Variants in CTNNA2 observed in about 807,000 individuals in gnomAD.
CTNNA2 encodes catenin alpha-2.
In CTNNA2, 42 loss-of-function variants were observed where a neutral mutation model predicts 101.0. That is an observed-to-expected ratio of 0.42 (90% CI 0.32 to 0.54). The LOEUF is 0.54. Among genes scored for constraint, CTNNA2 ranks in the 20% least tolerant of loss-of-function variants. The pLI is 0.14. For missense variants in CTNNA2, 871 were observed against 1,223.1 expected (o/e 0.71, Z 4.29); for synonymous variants, 450 against 456.4 (o/e 0.99, Z 0.18).
At chr2:79,409,125 T>C (rs1199246910) in intron 4 of CTNNA2, among the ~76,000 whole-genome samples, 3 of 152,150 alleles carry the variant, frequency 2.0e-5, no homozygotes, top group South Asian at 4.1e-4. Context: ...TCATGTCCTT[T>C]GCCCACTTTT....
At chr2:80,645,539 T>A (rs1469848868) in intron 18 of CTNNA2, among the ~76,000 whole-genome samples, 1 of 151,190 alleles carries the variant, frequency 6.6e-6, no homozygotes, top group East Asian at 2.0e-4. Flanking sequence ...ACCTCCTGGA[T>A]GGCTAGCTAG....
intron 7 of CTNNA2, among the ~76,000 whole-genome samples, chr2:80,047,888 A>C (rs1242264378): frequency 6.6e-6 from 1 of 152,220 alleles, no homozygotes; most frequent in Admixed American, 6.5e-5. Context: ...GAGCGTGAGC[A>C]ATCATGTAGT....
At chr2:79,936,650 T>C (rs562695552) in intron 7 of CTNNA2, among the ~76,000 whole-genome samples, 2 of 152,306 alleles carry the variant, frequency 1.3e-5, no homozygotes, top group East Asian at 3.9e-4. Flanking sequence ...ATAACCATTT[T>C]CCTTACCTTA....
rs538334110 is a variant in CTNNA2, at chr2:79,689,924, A to G, written c.102+38266A>G. ...AACATTAATTTGTAGAATAAAACAG[A>G]CAAAATGATGAAAATCCAGAAAAAA... On this transcript the variant is annotated intron_variant, in intron 2 of 18. Transcript: ENST00000402739. 2.2e-4 allele frequency among the ~76,000 whole-genome samples: 34 copies of G among 152,148 alleles called. No individual in the cohort carries two copies. The South Asian group carries it at 6.8e-3, about 31-fold the overall frequency.
At chr2:80,201,367 C>CTTTTTTTTTTTTTT (rs60448795) in intron 7 of CTNNA2, among the ~76,000 whole-genome samples, 4 of 80,732 alleles carry the variant, frequency 5.0e-5, no homozygotes, top group Non-Finnish European at 6.8e-5. Flanking sequence ...CTTTTTCTTT[C>CTTTTTTTTTTTTTT]TTTTTTTTTT....
chr2:80,041,485 G>A (rs1162277668), intron 7 of CTNNA2, among the ~76,000 whole-genome samples: 1 of 152,072 alleles, frequency 6.6e-6, no homozygotes, highest in Non-Finnish European at 1.5e-5. Flanking sequence ...CAATATAACT[G>A]CTGCATTATG....
chr2:79,810,788 T>G (rs1574028184), intron 3 of CTNNA2, among the ~76,000 whole-genome samples: 1 of 152,088 alleles, frequency 6.6e-6, no homozygotes, highest in East Asian at 1.9e-4. Context: ...TTTGGTTTTT[T>G]GTCCTTCAGA....
chr2:79,455,523 AT>A (rs2104530584), intron 4 of CTNNA2, among the ~76,000 whole-genome samples: 1 of 152,230 alleles, frequency 6.6e-6, no homozygotes, highest in East Asian at 1.9e-4. Context: ...TTTAGGGTTA[AT>A]GTCAACCTTC....
At chr2:79,481,110 T>A (rs936408348) in intron 4 of CTNNA2, among the ~76,000 whole-genome samples, 1 of 152,120 alleles carries the variant, frequency 6.6e-6, no homozygotes, top group Non-Finnish European at 1.5e-5. Context: ...AAAAGTTTTT[T>A]AAAAACCTAA....
intron 7 of CTNNA2, among the ~76,000 whole-genome samples, chr2:80,036,825 G>T (rs1055437129): frequency 9.1e-6 from 1 of 109,558 alleles, no homozygotes; most frequent in African/African-American, 3.5e-5. Context: ...GTGTGTGTTT[G>T]TGTGTGTGTG....
At chr2:79,365,665 G>T (rs6753118) in intron 3 of CTNNA2, among the ~76,000 whole-genome samples, 47,429 of 150,730 alleles carry the variant, frequency 0.31, 7,742 homozygotes, top group Admixed American at 0.42. Context: ...AAAGGGAAGT[G>T]GGGGGGACAT....
chr2:80,586,709 C>T (rs1696002321), intron 14 of CTNNA2, among the ~76,000 whole-genome samples: 1 of 152,120 alleles, frequency 6.6e-6, no homozygotes, highest in Admixed American at 6.5e-5. Flanking sequence ...CTTTATCTTT[C>T]AAGATATAGT....
chr2:80,530,257 C>T (rs543185131), intron 9 of CTNNA2, among the ~76,000 whole-genome samples: 29 of 152,276 alleles, frequency 1.9e-4, no homozygotes, highest in African/African-American at 6.7e-4. Flanking sequence ...CTGCTCTGCC[C>T]TGCTTTCTGA....
rs374540057 is a variant in CTNNA2, at chr2:80,111,806, G to C, written c.1056+202009G>C. Among the ~76,000 whole-genome samples the C allele has an allele frequency of 3.3e-5, 5 of 152,304 alleles. No homozygotes were observed. The South Asian group carries it at 8.3e-4, about 25-fold the overall frequency. On this transcript the variant is annotated intron_variant, in intron 7 of 18. Coordinates refer to ENST00000402739, the MANE Select transcript of CTNNA2 (RefSeq NM_001282597.3). ...GCCTCCCAAAGTACTAGGATTATAG[G>C]CATGAGCCACTGTGTTTAGCCTAAA... is the stretch of plus-strand genomic sequence containing the variant.
Position 80,564,717 on chromosome 2 carries a change from A to G in CTNNA2, c.1741+8824A>G, listed in dbSNP as rs1443776705. On this transcript the variant is annotated intron_variant, in intron 12 of 18. Transcript: ENST00000402739. ...GGTAACAGATGATTGACTCGGATGA[A>G]AGAAAGTCCAAGAATGTATGCAGGA... Among the ~76,000 whole-genome samples, 7 of 152,318 alleles carry G rather than the reference A, an allele frequency of 4.6e-5. No homozygotes were observed. The East Asian group carries it at 1.4e-3, about 29-fold the overall frequency.
rs544531082 is a variant in CTNNA2 at position 80,214,429 on chromosome 2, A to C, written c.1057-178782A>C. Among the ~76,000 whole-genome samples, 10 of 152,184 alleles carry C rather than the reference A, an allele frequency of 6.6e-5. No homozygotes were observed. In the East Asian group the frequency reaches 1.6e-3, roughly 24 times the overall value. ...CCTGGTGGTGACAAAATCTCTCAGCATTTGCTTGTCTGTAAAGGATTTTAT... is the reference window on the plus strand; with the variant it reads ...CCTGGTGGTGACAAAATCTCTCAGCCTTTGCTTGTCTGTAAAGGATTTTAT... On this transcript the variant is annotated intron_variant, in intron 7 of 18. Coordinates refer to ENST00000402739, the MANE Select transcript of CTNNA2 (RefSeq NM_001282597.3).
chr2:80,026,317 A>G (rs1293943495), intron 7 of CTNNA2, among the ~76,000 whole-genome samples: 1 of 152,212 alleles, frequency 6.6e-6, no homozygotes, highest in African/African-American at 2.4e-5. Flanking sequence ...ATTGAAATGA[A>G]TAACAAGCAT....
At chr2:80,212,286 G>T (rs1244877547) in intron 7 of CTNNA2, among the ~76,000 whole-genome samples, 2 of 152,156 alleles carry the variant, frequency 1.3e-5, no homozygotes, top group Admixed American at 6.5e-5. Context: ...GGGCATCCTT[G>T]TCTTGTGCCA....
At chr2:80,378,378 A>G (rs1676178319) in intron 7 of CTNNA2, among the ~76,000 whole-genome samples, 1 of 150,144 alleles carries the variant, frequency 6.7e-6, no homozygotes, top group Admixed American at 6.7e-5. Context: ...AAATAAATAA[A>G]TAAATAAATA....
Sources: allele counts gnomAD v4.1 joint callset (sites outside exome capture counted in the v4.1 genomes callset), GRCh38; gene constraint gnomAD v4.1.1; transcripts MANE v1.5; gene names NCBI Gene and HGNC (gene_info 2026-07-23, HGNC 2026-07-21).